The following DYNC1I2 variants were observed in gnomAD, a reference collection of about 807,000 sequenced individuals.
DYNC1I2 encodes the protein cytoplasmic dynein 1 intermediate chain 2.
DYNC1I2 carries 53 observed loss-of-function variants against 88.6 expected under a neutral mutation model. The ratio of observed to expected loss-of-function variants is 0.60; its 90% CI spans 0.48 to 0.75. The LOEUF is 0.75. DYNC1I2 is among the 30% of genes least tolerant of loss of function. The pLI is 0.00. For synonymous variants in DYNC1I2, 198 were observed against 254.6 expected, an observed-to-expected ratio of 0.78 and a Z score of 2.12; for missense variants, 458 against 766.6, an observed-to-expected ratio of 0.60 and a Z score of 4.75.
intron 5 of DYNC1I2, chr2:171,712,549 C>T: frequency 2.1e-6 from 1 of 485,918 alleles, no homozygotes; most frequent in Non-Finnish European, 3.6e-6. Context: ...TGTATGCTTG[C>T]ATCTTTAACC....
chr2:171,739,045 G>A (rs1292489518), intron 15 of DYNC1I2, among the ~76,000 whole-genome samples: 1 of 151,422 alleles, frequency 6.6e-6, no homozygotes, highest in Non-Finnish European at 1.5e-5. Context: ...CTCCTCGGGA[G>A]GCAGAGGTTG....
chr2:171,724,150 C>T (rs975033281), intron 7 of DYNC1I2, among the ~76,000 whole-genome samples: 1 of 152,156 alleles, frequency 6.6e-6, no homozygotes, highest in Non-Finnish European at 1.5e-5. Context: ...GATTGGCATA[C>T]GTCATTATCA....
rs201187028 is a variant in DYNC1I2 at position 171,708,641 on chromosome 2, AT to A, written c.335+1272del. Among the ~76,000 whole-genome samples, 974 of 152,002 alleles carry A rather than the reference AT, an allele frequency of 6.4e-3. 7 individuals are homozygous for A. The highest frequency in any genetic ancestry group is 0.018 in the African/African-American group (740 of 41,464). On this transcript the variant is annotated intron_variant, in intron 5 of 17. Coordinates refer to ENST00000397119, the MANE Select transcript of DYNC1I2 (RefSeq NM_001378.3). ...GTAAATTCATTTTTATAGGGTTAAA[AT>A]TTTTTTTCATATTTTGTGCTTCTAT...
At chr2:171,714,284 TAA>T (rs1199127409) in intron 6 of DYNC1I2, among the ~76,000 whole-genome samples, 28 of 151,038 alleles carry the variant, frequency 1.9e-4, no homozygotes, top group Non-Finnish European at 3.1e-4. Flanking sequence ...TAAAATGTAC[TAA>T]TTTTATTATA....
rs575201805 is a variant in DYNC1I2 at position 171,717,959 on chromosome 2, C to CTT, written c.511+2532_511+2533dup. Among the ~76,000 whole-genome samples the CTT allele has an allele frequency of 1.4e-3, 193 of 136,744 alleles. 1 individual carries two copies. The highest frequency in any genetic ancestry group is 4.7e-3 in the African/African-American group (176 of 37,490). The allele number at this position is 136,744 out of a possible 152,430, so 89.7% of individuals were successfully genotyped here. On this transcript the variant is annotated intron_variant, in intron 7 of 17. Transcript: ENST00000397119. ...TATATCCAGTTTAAGTGAAGACTTT[C>CTT]TTTTTTTTTTTTTTTTTGACAGAGT...
chr2:171,717,005 C>G (rs1687544677), intron 7 of DYNC1I2, among the ~76,000 whole-genome samples: 1 of 152,084 alleles, frequency 6.6e-6, no homozygotes, highest in South Asian at 2.1e-4. Context: ...TTGCTGCCCT[C>G]TGAGGATGGA....
At position 171,728,354 on chromosome 2, in the gene DYNC1I2, T is replaced by C. The variant is rs1688383379; in HGVS notation, c.1193T>C (p.Leu398Pro). The C allele has an allele frequency of 1.9e-6, 3 of 1,608,012 alleles. No homozygotes were observed. Among genetic ancestry groups the C allele is most frequent in the Admixed American group, 1.7e-5 (1 of 58,862 alleles). Reference protein sequence around the residue: ...NVVGTQNAHNLISISTDGKIC... With the variant: ...NVVGTQNAHNPISISTDGKIC... ...GTTGGAACACAAAATGCTCACAATC[T>C]GATTAGCATCTCTACTGATGGAAAA... The change falls in exon 13 of 18, where the codon CTG becomes CCG. Residue 398 changes from leucine (L) to proline (P), a missense_variant. By Grantham distance (98) the Leu-to-Pro change is moderately conservative. Transcript: ENST00000397119.
intron 5 of DYNC1I2, 134 bp downstream of exon 5, chr2:171,707,511 A>T (rs312924): frequency 0.26 from 177,593 of 690,538 alleles, 24,299 homozygotes; most frequent in African/African-American, 0.37. Flanking sequence ...TGGCATAGAA[A>T]TTCTCTGTTG....
intron 7 of DYNC1I2, among the ~76,000 whole-genome samples, chr2:171,719,351 A>G (rs1230011113): frequency 2.0e-5 from 3 of 152,216 alleles, no homozygotes; most frequent in East Asian, 1.9e-4. Flanking sequence ...CCCAAAGTGT[A>G]TAAGTTTTAG....
chr2:171,717,072 A>G (rs886828981), intron 7 of DYNC1I2, among the ~76,000 whole-genome samples: 1 of 151,746 alleles, frequency 6.6e-6, no homozygotes, highest in South Asian at 2.1e-4. Flanking sequence ...AGGCAACATT[A>G]TGATACACAT....
chr2:171,743,227 A>G (rs1689566181), intron 15 of DYNC1I2, among the ~76,000 whole-genome samples: 1 of 152,214 alleles, frequency 6.6e-6, no homozygotes, highest in Admixed American at 6.5e-5. Flanking sequence ...TTTACTATGC[A>G]TTAAGTGGAT....
At chr2:171,694,383 T>C (rs941782702) in intron 3 of DYNC1I2, among the ~76,000 whole-genome samples, 2 of 152,088 alleles carry the variant, frequency 1.3e-5, no homozygotes, top group East Asian at 3.9e-4. Flanking sequence ...GGTGGCTGGG[T>C]GGGGTGGCTC....
chr2:171,725,279 C>G (rs1458992463), intron 7 of DYNC1I2, among the ~76,000 whole-genome samples: 4 of 152,166 alleles, frequency 2.6e-5, no homozygotes, highest in Non-Finnish European at 4.4e-5. Flanking sequence ...ATGATAAATG[C>G]TTGCAAGCTT....
chr2:171,709,685 A>G (rs1325377386), intron 5 of DYNC1I2, among the ~76,000 whole-genome samples: 1 of 152,166 alleles, frequency 6.6e-6, no homozygotes, highest in Non-Finnish European at 1.5e-5. Context: ...TAACGGAGAG[A>G]AAAATCCTCT....
intron 15 of DYNC1I2, among the ~76,000 whole-genome samples, chr2:171,737,441 G>A (rs927828076): frequency 1.3e-5 from 2 of 152,120 alleles, no homozygotes; most frequent in African/African-American, 4.8e-5. Context: ...GGCTTGACTC[G>A]TGACCATACT....
chr2:171,713,995 G>C (rs1279622971), intron 6 of DYNC1I2, among the ~76,000 whole-genome samples: 1 of 152,102 alleles, frequency 6.6e-6, no homozygotes, highest in Admixed American at 6.5e-5. Flanking sequence ...GTTAGACTCT[G>C]TATGCATTCA....
intron 3 of DYNC1I2, among the ~76,000 whole-genome samples, chr2:171,702,645 A>G (rs1162914114): frequency 6.6e-6 from 1 of 151,370 alleles, no homozygotes; most frequent in Non-Finnish European, 1.5e-5. Flanking sequence ...CCTAAAGTGG[A>G]TTTTTTTTTC....
intron 5 of DYNC1I2, chr2:171,712,560 A>G (rs1187419880): frequency 4.0e-6 from 2 of 504,480 alleles, no homozygotes; most frequent in Non-Finnish European, 7.0e-6. Flanking sequence ...ATCTTTAACC[A>G]TAGGAAGCCT....
At chr2:171,694,788 C>T (rs1228706316) in intron 3 of DYNC1I2, among the ~76,000 whole-genome samples, 1 of 152,166 alleles carries the variant, frequency 6.6e-6, no homozygotes, top group Non-Finnish European at 1.5e-5. Flanking sequence ...GTCAGCATGT[C>T]TCATGCAGTG....
Sources: gnomAD v4.1 joint callset for allele counts (sites outside exome capture counted in the v4.1 genomes callset) on GRCh38, gnomAD v4.1.1 for gene constraint, MANE v1.5 for transcripts, NCBI Gene and HGNC (gene_info 2026-07-23, HGNC 2026-07-21) for gene names.